The following ROBO1 variants were observed in gnomAD, a reference collection of about 807,000 sequenced individuals.
The protein encoded by ROBO1 is roundabout homolog 1.
In ROBO1, 149 loss-of-function variants were observed where a neutral mutation model predicts 195.9. That is an observed-to-expected ratio of 0.76 (90% confidence interval 0.67 to 0.87). The LOEUF (loss-of-function observed/expected upper bound fraction) is 0.87. Among genes scored for constraint, ROBO1 ranks in the 40% least tolerant of loss-of-function variants. The probability of loss-of-function intolerance (pLI) is 0.00; values close to 1 mark genes in which losing one functional copy is unlikely to be tolerated. For missense variants in ROBO1, 1,933 were observed against 2,068.3 expected, an observed-to-expected ratio of 0.93 and a Z score of 1.27; for synonymous variants, 816 against 733.2, an observed-to-expected ratio of 1.11 and a Z score of -1.82.
chr3:78,914,008 T>C (rs1014465529), intron 4 of ROBO1, among the ~76,000 whole-genome samples: 7 of 152,132 alleles, frequency 4.6e-5, no homozygotes, highest in African/African-American at 1.7e-4. Context: ...AGGACAAGGG[T>C]GTGATTTTCA....
In ROBO1 at chr3:79,336,669, C is replaced by G. The variant is rs140601106; in HGVS notation, c.89-211130G>C. Reference sequence around the variant, plus strand: ...GGAGTTGGAACCCCCACAGAAAGTCCCCACTGGGCCATTACCTAGTGGAGC... The same window carrying G: ...GGAGTTGGAACCCCCACAGAAAGTCGCCACTGGGCCATTACCTAGTGGAGC... On this transcript the variant is annotated intron_variant, in intron 2 of 30. Coordinates refer to ENST00000464233, the MANE Select transcript of ROBO1 (RefSeq NM_002941.4). Among the ~76,000 whole-genome samples, 562 of 152,292 alleles carry G rather than the reference C, an allele frequency of 3.7e-3. 5 individuals carry two copies. Among genetic ancestry groups the G allele is most frequent in the African/African-American group, 0.013 (522 of 41,558 alleles).
In ROBO1 at chr3:78,613,545, C is replaced by T. The variant is rs539456656; in HGVS notation, c.4435+1103G>A. On this transcript the variant is annotated intron_variant, in intron 28 of 30. Coordinates refer to ENST00000464233, the MANE Select transcript of ROBO1 (RefSeq NM_002941.4). Reference sequence around the variant, plus strand: ...GGGCAGAAGCCAGGAGGCCCAGGTGCGCTGTGTCACGCCAGTATTTAATGT... The same window carrying T: ...GGGCAGAAGCCAGGAGGCCCAGGTGTGCTGTGTCACGCCAGTATTTAATGT... 1.7e-3 allele frequency among the ~76,000 whole-genome samples: 261 copies of T among 152,194 alleles called. 4 individuals are homozygous for T. Among genetic ancestry groups the T allele is most frequent in the South Asian group, 6.2e-4 (3 of 4,820 alleles).
intron 2 of ROBO1, 70 bp downstream of exon 2, chr3:79,589,754 A>G: frequency 7.9e-7 from 1 of 1,268,492 alleles, no homozygotes; most frequent in Non-Finnish European, 1.1e-6. Flanking sequence ...AACACACACA[A>G]TAAAAAGTGA....
At chr3:79,239,080 C>T (rs1559756915) in intron 2 of ROBO1, among the ~76,000 whole-genome samples, 1 of 152,174 alleles carries the variant, frequency 6.6e-6, no homozygotes, top group Non-Finnish European at 1.5e-5. Flanking sequence ...TCTTCCCACT[C>T]TCTCCTTAGT....
At chr3:79,567,217 A>G (rs2107732446) in intron 2 of ROBO1, among the ~76,000 whole-genome samples, 1 of 152,292 alleles carries the variant, frequency 6.6e-6, no homozygotes, top group Admixed American at 6.5e-5. Context: ...ACACATGGAC[A>G]CATAGAGGGA....
chr3:78,658,819 CTCTT>C (rs1386957127), intron 17 of ROBO1, among the ~76,000 whole-genome samples: 1 of 152,144 alleles, frequency 6.6e-6, no homozygotes, highest in Non-Finnish European at 1.5e-5. Context: ...GAAATTAAGA[CTCTT>C]TTGTGATTTT....
chr3:78,915,675 AT>A (rs2038517797), intron 4 of ROBO1, among the ~76,000 whole-genome samples: 1 of 151,538 alleles, frequency 6.6e-6, no homozygotes, highest in Non-Finnish European at 1.5e-5. Context: ...TCCTTCCTTC[AT>A]TTCTTTCTGT....
chr3:78,947,687 C>T (rs574502391), intron 3 of ROBO1, among the ~76,000 whole-genome samples: 77 of 152,024 alleles, frequency 5.1e-4, no homozygotes, highest in Middle Eastern at 3.4e-3. Context: ...GCAGAACTGA[C>T]GGAAATAGAG....
intron 4 of ROBO1, among the ~76,000 whole-genome samples, chr3:78,786,993 C>A (rs886783938): frequency 4.6e-5 from 7 of 152,150 alleles, no homozygotes; most frequent in African/African-American, 1.7e-4. Flanking sequence ...AGGGCTGGAC[C>A]TCCTAAACTA....
chr3:79,519,593 C>T (rs1460361525), intron 2 of ROBO1, among the ~76,000 whole-genome samples: 2 of 134,890 alleles, frequency 1.5e-5, no homozygotes, highest in African/African-American at 5.8e-5. Context: ...CATGCCACTG[C>T]ACTCCAGCCT....
intron 3 of ROBO1, among the ~76,000 whole-genome samples, chr3:78,940,651 C>A (rs2040080532): frequency 1.3e-5 from 2 of 152,214 alleles, no homozygotes; most frequent in Admixed American, 1.3e-4. Flanking sequence ...TCTCTCTAAT[C>A]TTTACAAGTT....
chr3:79,537,523 T>C (rs1383042718), intron 2 of ROBO1, among the ~76,000 whole-genome samples: 1 of 152,116 alleles, frequency 6.6e-6, no homozygotes, highest in Non-Finnish European at 1.5e-5. Flanking sequence ...CCACTTCCTG[T>C]CCATCTTCAA....
chr3:79,371,200 C>G (rs2036180868), intron 2 of ROBO1, among the ~76,000 whole-genome samples: 1 of 152,086 alleles, frequency 6.6e-6, no homozygotes, highest in Non-Finnish European at 1.5e-5. Flanking sequence ...GGGTGTATAA[C>G]CAGTAACGAG....
intron 1 of ROBO1, among the ~76,000 whole-genome samples, chr3:79,621,737 C>T (rs1223596925): frequency 2.6e-5 from 4 of 152,080 alleles, no homozygotes; most frequent in Non-Finnish European, 4.4e-5. Context: ...CACCACTAGA[C>T]CACTGCTATA....
chr3:79,683,396 GA>G (rs1246506578), intron 1 of ROBO1, among the ~76,000 whole-genome samples: 1 of 151,952 alleles, frequency 6.6e-6, no homozygotes, highest in Non-Finnish European at 1.5e-5. Flanking sequence ...CTAGTAATTT[GA>G]ATGTGGAAAA....
chr3:79,180,630 G>T (rs999820702), intron 2 of ROBO1, among the ~76,000 whole-genome samples: 1 of 152,166 alleles, frequency 6.6e-6, no homozygotes, highest in Non-Finnish European at 1.5e-5. Flanking sequence ...CTCAAGGGTT[G>T]TTGTGAGGAT....
At position 78,598,481 on chromosome 3, in the gene ROBO1, A is replaced by ATACTT. The variant is rs1193585577; in HGVS notation, c.*427_*431dup. The ATACTT allele has an allele frequency of 6.5e-6, 1 of 154,210 alleles. No homozygotes were observed. Among genetic ancestry groups the ATACTT allele is most frequent in the Admixed American group, 6.6e-5 (1 of 15,220 alleles). The allele number at this position is 154,210 out of a possible 1,614,324, so 9.6% of individuals were successfully genotyped here. On this transcript the variant is annotated 3_prime_UTR_variant, in exon 31 of 31. Coordinates refer to ENST00000464233, the MANE Select transcript of ROBO1 (RefSeq NM_002941.4). ...ATTAGCAGTTGGCTATAGAAAGATT[A>ATACTT]TACTTTGAGAGCCCTTGTGAGGTTG...
chr3:79,561,914 C>T (rs1049691568), intron 2 of ROBO1, among the ~76,000 whole-genome samples: 3 of 152,044 alleles, frequency 2.0e-5, no homozygotes, highest in African/African-American at 7.2e-5. Flanking sequence ...AGTGGTACCT[C>T]GAGGATGATT....
intron 2 of ROBO1, among the ~76,000 whole-genome samples, chr3:79,394,163 A>AC (rs2037054126): frequency 1.3e-5 from 2 of 152,122 alleles, no homozygotes; most frequent in African/African-American, 2.4e-5. Context: ...TGAAAAAAAA[A>AC]CTGGCACATA....
Sources: gnomAD v4.1 joint callset for allele counts (sites outside exome capture counted in the v4.1 genomes callset) on GRCh38, gnomAD v4.1.1 for gene constraint, MANE v1.5 for transcripts, NCBI Gene and HGNC (gene_info 2026-07-23, HGNC 2026-07-21) for gene names.